COL13A1: variants seen among roughly 807,000 people sequenced by gnomAD.
COL13A1 encodes the protein collagen type XIII alpha 1 chain.
COL13A1 carries 89 observed loss-of-function variants against 130.9 expected under a neutral mutation model. The observed-to-expected ratio is 0.68, with a 90% CI of 0.57 to 0.81. The LOEUF is 0.81. COL13A1 is among the 30% of genes least tolerant of loss of function. The probability of loss-of-function intolerance (pLI) is 0.00; values close to 1 mark genes in which losing one functional copy is unlikely to be tolerated. For missense variants in COL13A1, 879 were observed against 934.6 expected (o/e 0.94, Z 0.78); for synonymous variants, 402 against 341.6 (o/e 1.18, Z -1.95).
At chr10:69,806,516 C>T (rs1841623493) in intron 1 of COL13A1, among the ~76,000 whole-genome samples, 2 of 152,330 alleles carry the variant, frequency 1.3e-5, no homozygotes, top group South Asian at 4.1e-4. Context: ...GTGTGCTTTC[C>T]AGACCTCAGG....
At chr10:69,822,766 G>A (rs1846431577) in intron 2 of COL13A1, among the ~76,000 whole-genome samples, 1 of 152,222 alleles carries the variant, frequency 6.6e-6, no homozygotes, top group Admixed American at 6.5e-5. Flanking sequence ...GGGACCATCA[G>A]CCCCCCAAGG....
chr10:69,837,192 G>A (rs909957770), intron 2 of COL13A1, among the ~76,000 whole-genome samples: 5 of 152,170 alleles, frequency 3.3e-5, no homozygotes, highest in Admixed American at 6.5e-5. Flanking sequence ...ACTTTCCCTC[G>A]GGGTGTTCGG....
intron 16 of COL13A1, among the ~76,000 whole-genome samples, chr10:69,905,309 G>T (rs931363284): frequency 6.6e-6 from 1 of 152,180 alleles, no homozygotes; most frequent in African/African-American, 2.4e-5. Context: ...GTCAGAATGG[G>T]AAGAGACCTC....
intron 9 of COL13A1, 132 bp downstream of exon 9, chr10:69,888,462 G>C: frequency 7.6e-7 from 1 of 1,311,836 alleles, no homozygotes; most frequent in Non-Finnish European, 1.1e-6. Context: ...GTTGTCACTA[G>C]TGGGAAGTGG....
At chr10:69,862,445 G>T (rs1564875713) in intron 2 of COL13A1, among the ~76,000 whole-genome samples, 1 of 152,138 alleles carries the variant, frequency 6.6e-6, no homozygotes, top group South Asian at 2.1e-4. Flanking sequence ...CTCAGGGTTT[G>T]GGCCATAGGG....
rs1363381381 is a variant in COL13A1, at chr10:69,885,901, T to C, written c.514-1555T>C. ...CTTTTGGTTGGCTGCCACAAGCCCA[T>C]CCTAAGCCTGTGGCAGACTTCAACT... is the stretch of plus-strand genomic sequence containing the variant. On this transcript the variant is annotated intron_variant, in intron 7 of 40. Transcript: ENST00000645393. 2.0e-5 allele frequency among the ~76,000 whole-genome samples: 3 copies of C among 152,226 alleles called. No homozygotes were observed. In the South Asian group the frequency reaches 6.2e-4, roughly 32 times the overall value.
chr10:69,830,242 T>C (rs7069098), intron 2 of COL13A1, among the ~76,000 whole-genome samples: 221 of 152,326 alleles, frequency 1.5e-3, no homozygotes, highest in African/African-American at 4.8e-3. Flanking sequence ...CTGAGAGAAA[T>C]GCTCGTCTGT....
intron 25 of COL13A1, 89 bp from the exon 26 acceptor site, chr10:69,925,715 G>A: frequency 3.2e-6 from 3 of 932,100 alleles, no homozygotes. Flanking sequence ...GCTAGGTGCA[G>A]CCAGTGTGGG....
intron 2 of COL13A1, among the ~76,000 whole-genome samples, chr10:69,824,417 T>C (rs954372420): frequency 6.6e-6 from 1 of 152,298 alleles, no homozygotes; most frequent in South Asian, 2.1e-4. Flanking sequence ...AAGTCCATCA[T>C]CAGAGTGGGT....
chr10:69,851,391 G>T (rs1854758756), intron 2 of COL13A1, among the ~76,000 whole-genome samples: 2 of 152,126 alleles, frequency 1.3e-5, no homozygotes, highest in Admixed American at 1.3e-4. Context: ...CCCTGCCCTG[G>T]CCTTCAAGAT....
intron 10 of COL13A1, among the ~76,000 whole-genome samples, chr10:69,891,151 G>A (rs1250693676): frequency 1.3e-5 from 2 of 152,196 alleles, no homozygotes; most frequent in African/African-American, 2.4e-5. Flanking sequence ...TCACAGTCTA[G>A]TAGGGAGACA....
chr10:69,865,170 C>T (rs1188006711), intron 2 of COL13A1, among the ~76,000 whole-genome samples: 2 of 152,228 alleles, frequency 1.3e-5, no homozygotes, highest in Non-Finnish European at 2.9e-5. Context: ...CCTGGATGGT[C>T]ATGAATCTCC....
intron 2 of COL13A1, among the ~76,000 whole-genome samples, chr10:69,842,262 G>A (rs910167044): frequency 5.3e-5 from 8 of 152,282 alleles, no homozygotes; most frequent in Non-Finnish European, 1.0e-4. Context: ...CTCGCCTGCC[G>A]CCACATTAAG....
chr10:69,892,952 C>G (rs963687566), intron 10 of COL13A1, among the ~76,000 whole-genome samples: 1 of 152,198 alleles, frequency 6.6e-6, no homozygotes, highest in Non-Finnish European at 1.5e-5. Context: ...CTGCCCCTCC[C>G]CCATCACACT....
At position 69,924,962 on chromosome 10, in the gene COL13A1, G is replaced by C. The variant is rs763197055; in HGVS notation, c.1285-1G>C. 6 of 1,588,786 alleles carry C rather than the reference G, an allele frequency of 3.8e-6. No individual in the cohort carries two copies. In the Admixed American group the frequency reaches 8.9e-5, roughly 24 times the overall value. ...TTTGCTCCAATTTTGTCATGCAACAGGGGGAGCGTGGAGCAGCTGGAGAAC... is the reference window on the plus strand; with the variant it reads ...TTTGCTCCAATTTTGTCATGCAACACGGGGAGCGTGGAGCAGCTGGAGAAC... On this transcript the variant is annotated splice_acceptor_variant, in intron 24 of 40. Transcript: ENST00000645393. LOFTEE classifies it high-confidence loss of function.
intron 2 of COL13A1, among the ~76,000 whole-genome samples, chr10:69,841,982 C>A (rs1851721202): frequency 6.6e-6 from 1 of 152,132 alleles, no homozygotes; most frequent in South Asian, 2.1e-4. Context: ...CAGTGGGGAG[C>A]CACCAAAAAG....
At position 69,802,376 on chromosome 10, in the gene COL13A1, CTTTA is replaced by C; in HGVS notation, c.-41_-38del. 1 of 1,408,864 alleles carries C rather than the reference CTTTA, an allele frequency of 7.1e-7. No homozygotes were observed. Among genetic ancestry groups the C allele is most frequent in the Non-Finnish European group, 9.2e-7 (1 of 1,086,794 alleles). 87.3% of individuals were successfully genotyped at this position (1,408,864 alleles called of 1,614,324 possible). On this transcript the variant is annotated 5_prime_UTR_variant, in exon 1 of 41. Coordinates refer to ENST00000645393, the MANE Select transcript of COL13A1 (RefSeq NM_001368882.1). ...AGAGCCTTTTGGCAGCGGCTGTCGC[CTTTA>C]TTTATTCTATTTATTTATTTATTGG...
At chr10:69,922,884 C>G in intron 23 of COL13A1, 90 bp downstream of exon 23, 7 of 827,550 alleles carry the variant, frequency 8.5e-6, no homozygotes, top group Non-Finnish European at 1.3e-5. Flanking sequence ...TCCCGGACAT[C>G]CCGCCTTCTC....
At chr10:69,940,491 A>C (rs1344802057) in intron 34 of COL13A1, among the ~76,000 whole-genome samples, 1 of 152,218 alleles carries the variant, frequency 6.6e-6, no homozygotes, top group Non-Finnish European at 1.5e-5. Context: ...CCCAGGGCTG[A>C]GACCCTCAGG....
Sources: gnomAD v4.1 joint callset for allele counts (sites outside exome capture counted in the v4.1 genomes callset) on GRCh38, gnomAD v4.1.1 for gene constraint, MANE v1.5 for transcripts, NCBI Gene and HGNC (gene_info 2026-07-23, HGNC 2026-07-21) for gene names.